The following EPHA6 variants were observed in gnomAD, a reference collection of about 807,000 sequenced individuals.
The protein encoded by EPHA6 is EPH receptor A6.
In EPHA6, 50 loss-of-function variants were observed where a neutral mutation model predicts 112.0. The ratio of observed to expected loss-of-function variants is 0.45; its 90% CI spans 0.36 to 0.56. EPHA6 has a LOEUF of 0.56. Ranked by LOEUF, EPHA6 falls within the 20% of genes least tolerant of loss-of-function variation. The probability of loss-of-function intolerance (pLI) is 0.00; values close to 1 mark genes in which losing one functional copy is unlikely to be tolerated. For synonymous variants in EPHA6, 529 were observed against 490.7 expected (o/e 1.08, Z -1.03); for missense variants, 1,280 against 1,417.4 (o/e 0.90, Z 1.56).
intron 8 of EPHA6, among the ~76,000 whole-genome samples, chr3:97,478,277 G>A (rs560029984): frequency 4.2e-4 from 64 of 152,158 alleles, no homozygotes; most frequent in African/African-American, 1.5e-3. Flanking sequence ...ATGTGGCAAA[G>A]CATTTCATTA....
intron 3 of EPHA6, among the ~76,000 whole-genome samples, chr3:97,193,629 C>A (rs951278967): frequency 1.3e-5 from 2 of 151,346 alleles, no homozygotes; most frequent in Admixed American, 1.3e-4. Context: ...TCCTTTATAT[C>A]TTTCTCTTAT....
chr3:97,229,639 C>A (rs1225493498), intron 4 of EPHA6, among the ~76,000 whole-genome samples: 4 of 152,090 alleles, frequency 2.6e-5, no homozygotes, highest in Non-Finnish European at 5.9e-5. Context: ...TGTAATGTCA[C>A]ATATTTCTTA....
intron 3 of EPHA6, among the ~76,000 whole-genome samples, chr3:97,188,255 G>A (rs1426547967): frequency 6.6e-6 from 1 of 151,938 alleles, no homozygotes; most frequent in Non-Finnish European, 1.5e-5. Flanking sequence ...TACTTATGAT[G>A]GGATGCTAAA....
At chr3:97,413,136 A>G (rs899768958) in intron 6 of EPHA6, among the ~76,000 whole-genome samples, 2 of 151,968 alleles carry the variant, frequency 1.3e-5, no homozygotes, top group African/African-American at 2.4e-5. Flanking sequence ...TAAAAAATGT[A>G]GCATTGCCAT....
chr3:97,328,039 AC>A (rs1559888133), intron 5 of EPHA6, among the ~76,000 whole-genome samples: 26 of 97,984 alleles, frequency 2.7e-4, no homozygotes, highest in African/African-American at 1.0e-3. Flanking sequence ...GTGTATATAT[AC>A]ACACATATAT....
At chr3:97,192,311 T>A (rs2077328428) in intron 3 of EPHA6, among the ~76,000 whole-genome samples, 1 of 151,980 alleles carries the variant, frequency 6.6e-6, no homozygotes, top group African/African-American at 2.4e-5. Context: ...AATTTTTTGT[T>A]TAGTAGAGAT....
At chr3:97,343,141 A>G (rs2083391240) in intron 5 of EPHA6, among the ~76,000 whole-genome samples, 1 of 152,242 alleles carries the variant, frequency 6.6e-6, no homozygotes, top group Admixed American at 6.5e-5. Flanking sequence ...ATCTTAGAGA[A>G]TACATAAATA....
chr3:97,263,099 T>C (rs2079554006), intron 5 of EPHA6, among the ~76,000 whole-genome samples: 1 of 152,212 alleles, frequency 6.6e-6, no homozygotes, highest in South Asian at 2.1e-4. Flanking sequence ...ATACTCTGTA[T>C]AATTAGCATT....
At chr3:97,574,429 CTG>C (rs1203218590) in intron 11 of EPHA6, among the ~76,000 whole-genome samples, 1 of 152,050 alleles carries the variant, frequency 6.6e-6, no homozygotes, top group East Asian at 1.9e-4. Flanking sequence ...GGCAAAGAAA[CTG>C]TGTATTATTA....
At chr3:96,945,455 C>T (rs76188587) in intron 2 of EPHA6, among the ~76,000 whole-genome samples, 2 of 152,098 alleles carry the variant, frequency 1.3e-5, no homozygotes, top group East Asian at 1.9e-4. Context: ...GCCATGCATT[C>T]GAGTTATAAT....
At chr3:96,860,035 G>T (rs1274898876) in intron 1 of EPHA6, among the ~76,000 whole-genome samples, 3 of 152,080 alleles carry the variant, frequency 2.0e-5, no homozygotes, top group African/African-American at 7.2e-5. Flanking sequence ...CTTGAAGGTA[G>T]GCATTGTAAC....
rs73131508 is a variant in EPHA6, at chr3:96,819,054, G to A, written c.385+4046G>A. On this transcript the variant is annotated intron_variant, in intron 1 of 17. Transcript: ENST00000389672. Reference sequence around the variant, plus strand: ...GATCATCTAATTGTTGTTTGTTCTGGTCTTGGGATAATACTATATCTAAAA... The same window carrying A: ...GATCATCTAATTGTTGTTTGTTCTGATCTTGGGATAATACTATATCTAAAA... Among the ~76,000 whole-genome samples the A allele has an allele frequency of 1.0e-2, 1,518 of 151,858 alleles. 15 individuals are homozygous for A. Among genetic ancestry groups the A allele is most frequent in the Middle Eastern group, 0.02 (6 of 294 alleles).
At position 97,543,485 on chromosome 3, in the gene EPHA6, T is replaced by G. The variant is rs553474254; in HGVS notation, c.2386+10942T>G. On this transcript the variant is annotated intron_variant, in intron 11 of 17. Coordinates refer to ENST00000389672, the MANE Select transcript of EPHA6 (RefSeq NM_001080448.3). ...GTTTTGGTACCAGTACCATGCTGTT[T>G]TGGTTACTGTAGCCTTGTAGTATAG... 4.5e-3 allele frequency among the ~76,000 whole-genome samples: 688 copies of G among 152,320 alleles called. 8 individuals carry two copies. The highest frequency in any genetic ancestry group is 0.015 in the African/African-American group (614 of 41,568).
chr3:97,354,661 T>TAG (rs2083977960), intron 5 of EPHA6, among the ~76,000 whole-genome samples: 1 of 152,026 alleles, frequency 6.6e-6, no homozygotes, highest in Non-Finnish European at 1.5e-5. Flanking sequence ...AAAGAGGCAG[T>TAG]AGAGAGAGAG....
intron 6 of EPHA6, among the ~76,000 whole-genome samples, chr3:97,436,670 C>T (rs2089854271): frequency 6.6e-6 from 1 of 152,098 alleles, no homozygotes; most frequent in African/African-American, 2.4e-5. Flanking sequence ...AATAATTTTT[C>T]ATGTTTTACA....
chr3:97,623,648 C>T lies in EPHA6; in HGVS notation c.2574+12794C>T, dbSNP rs116280274. 4.3e-3 allele frequency among the ~76,000 whole-genome samples: 649 copies of T among 151,646 alleles called. 7 individuals are homozygous for T. The highest frequency in any genetic ancestry group is 0.015 in the African/African-American group (626 of 41,486). ...CAAAAAGGGCAAAAAGGAGCTAGGACGCTCTTTTCACCCTCTTTTACAATA... is the reference window on the plus strand; with the variant it reads ...CAAAAAGGGCAAAAAGGAGCTAGGATGCTCTTTTCACCCTCTTTTACAATA... On this transcript the variant is annotated intron_variant, in intron 13 of 17. Transcript: ENST00000389672.
intron 2 of EPHA6, among the ~76,000 whole-genome samples, chr3:96,867,849 G>T (rs2036406723): frequency 6.6e-6 from 1 of 151,826 alleles, no homozygotes; most frequent in African/African-American, 2.4e-5. Flanking sequence ...TATTCACTAA[G>T]TGTGTATTTT....
rs1369438500 is a variant in EPHA6, at chr3:96,964,605, A to G, written c.451-22725A>G. Among the ~76,000 whole-genome samples, 4 of 152,228 alleles carry G rather than the reference A, an allele frequency of 2.6e-5. No individual in the cohort carries two copies. The East Asian group carries it at 7.7e-4, about 29-fold the overall frequency. ...CTAGGAGTACATTGACTGTTTTAGC[A>G]CTGATTGATGCATACGTTTCACTGT... On this transcript the variant is annotated intron_variant, in intron 2 of 17. Coordinates refer to ENST00000389672, the MANE Select transcript of EPHA6 (RefSeq NM_001080448.3).
At chr3:97,467,905 C>T (rs986550281) in intron 7 of EPHA6, among the ~76,000 whole-genome samples, 2 of 151,634 alleles carry the variant, frequency 1.3e-5, no homozygotes, top group Non-Finnish European at 3.0e-5. Flanking sequence ...CTTCATTATG[C>T]TGCGCTATTT....
Sources: gnomAD v4.1 joint callset for allele counts (sites outside exome capture counted in the v4.1 genomes callset) on GRCh38, gnomAD v4.1.1 for gene constraint, MANE v1.5 for transcripts, NCBI Gene and HGNC (gene_info 2026-07-23, HGNC 2026-07-21) for gene names.